Variants in INPP4B observed in about 807,000 individuals in gnomAD.
The protein encoded by INPP4B is inositol polyphosphate-4-phosphatase type II B.
INPP4B carries 55 observed loss-of-function variants against 122.5 expected under a neutral mutation model. The ratio of observed to expected loss-of-function variants is 0.45; its 90% CI spans 0.36 to 0.56. The LOEUF (loss-of-function observed/expected upper bound fraction) is 0.56. INPP4B is among the 20% of genes least tolerant of loss of function. The pLI is 0.00. For synonymous variants in INPP4B, 403 were observed against 388.7 expected, an observed-to-expected ratio of 1.04 and a Z score of -0.43; for missense variants, 1,000 against 1,097.7, an observed-to-expected ratio of 0.91 and a Z score of 1.26.
chr4:142,669,024 C>G (rs752972526), intron 2 of INPP4B, among the ~76,000 whole-genome samples: 1 of 151,536 alleles, frequency 6.6e-6, no homozygotes, highest in Non-Finnish European at 1.5e-5. Flanking sequence ...CCACTGTGCT[C>G]CAGCCTGGAT....
rs531295673 is a variant in INPP4B, at chr4:142,252,274, C to T, written c.688+8218G>A. Reference sequence around the variant, plus strand: ...CGCGATCTCGGCTCACTGCAAGCTCCGCCTCCCGGGTTCACGCCATTCTCC... The same window carrying T: ...CGCGATCTCGGCTCACTGCAAGCTCTGCCTCCCGGGTTCACGCCATTCTCC... On this transcript the variant is annotated intron_variant, in intron 11 of 25. Transcript: ENST00000262992. Among the ~76,000 whole-genome samples the T allele has an allele frequency of 3.3e-3, 500 of 150,498 alleles. 1 individual carries two copies. The highest frequency in any genetic ancestry group is 7.9e-3 in the African/African-American group (324 of 40,944).
At chr4:142,638,928 T>A (rs1749768477) in intron 2 of INPP4B, among the ~76,000 whole-genome samples, 2 of 152,186 alleles carry the variant, frequency 1.3e-5, no homozygotes, top group South Asian at 4.1e-4. Context: ...TGGATAGTCT[T>A]AATCAAGTGA....
At chr4:142,577,722 C>T (rs772366522) in intron 2 of INPP4B, among the ~76,000 whole-genome samples, 5 of 151,840 alleles carry the variant, frequency 3.3e-5, no homozygotes, top group Admixed American at 6.6e-5. Context: ...TGCTTTTGTG[C>T]GTCATATAGA....
chr4:142,204,371 T>C (rs951263020), intron 14 of INPP4B, among the ~76,000 whole-genome samples: 19 of 152,296 alleles, frequency 1.2e-4, no homozygotes, highest in African/African-American at 3.8e-4. Flanking sequence ...CCATATTTTC[T>C]TCTTAGCTCT....
At chr4:142,240,068 T>G (rs2150005104) in intron 11 of INPP4B, among the ~76,000 whole-genome samples, 1 of 150,236 alleles carries the variant, frequency 6.7e-6, no homozygotes, top group African/African-American at 2.5e-5. Flanking sequence ...AGTTTATTGT[T>G]TTCTTTTTTT....
At chr4:142,268,192 G>A (rs1462205152) in intron 10 of INPP4B, among the ~76,000 whole-genome samples, 14 of 150,736 alleles carry the variant, frequency 9.3e-5, no homozygotes, top group African/African-American at 2.9e-4. Flanking sequence ...GCATGGTGGC[G>A]GGTCCCTGTA....
intron 9 of INPP4B, among the ~76,000 whole-genome samples, chr4:142,282,112 G>T (rs1288554838): frequency 6.6e-6 from 1 of 152,082 alleles, no homozygotes; most frequent in Non-Finnish European, 1.5e-5. Context: ...CAGGGTAAAA[G>T]GTGGATGAGT....
intron 2 of INPP4B, among the ~76,000 whole-genome samples, chr4:142,575,823 G>A (rs1022023619): frequency 6.6e-6 from 1 of 151,996 alleles, no homozygotes; most frequent in Non-Finnish European, 1.5e-5. Context: ...AAGAAGCTAT[G>A]ATAATTACAC....
chr4:142,585,846 TTTA>T (rs59890158), intron 2 of INPP4B, among the ~76,000 whole-genome samples: 5,652 of 144,562 alleles, frequency 0.039, 138 homozygotes, highest in Middle Eastern at 0.091. Context: ...CACTAAACAC[TTTA>T]TTATTATTAT....
chr4:142,775,918 T>C (rs1773842460), intron 1 of INPP4B, among the ~76,000 whole-genome samples: 1 of 152,134 alleles, frequency 6.6e-6, no homozygotes, highest in South Asian at 2.1e-4. Context: ...GAGTATTTGA[T>C]TTTGTCAAAT....
At chr4:142,809,310 A>C (rs1044082674) in intron 1 of INPP4B, among the ~76,000 whole-genome samples, 1 of 152,156 alleles carries the variant, frequency 6.6e-6, no homozygotes, top group Admixed American at 6.5e-5. Context: ...AAAAGACGTT[A>C]AGAGGACTAA....
At chr4:142,643,066 C>G (rs928795436) in intron 2 of INPP4B, among the ~76,000 whole-genome samples, 52 of 151,980 alleles carry the variant, frequency 3.4e-4, no homozygotes, top group African/African-American at 1.1e-3. Context: ...TTGACTCTCT[C>G]TTTGTCTGTT....
At chr4:142,544,065 C>A (rs967591229) in intron 2 of INPP4B, among the ~76,000 whole-genome samples, 4 of 150,684 alleles carry the variant, frequency 2.7e-5, no homozygotes, top group Non-Finnish European at 4.4e-5. Context: ...ACAACTAAAA[C>A]CTAGTTAGAG....
intron 17 of INPP4B, among the ~76,000 whole-genome samples, chr4:142,152,953 A>G (rs905679681): frequency 6.6e-6 from 1 of 152,124 alleles, no homozygotes; most frequent in Non-Finnish European, 1.5e-5. Flanking sequence ...TGACTTACTA[A>G]TCTGTTATTT....
intron 2 of INPP4B, among the ~76,000 whole-genome samples, chr4:142,708,939 G>A (rs1022989461): frequency 6.6e-6 from 1 of 152,054 alleles, no homozygotes; most frequent in African/African-American, 2.4e-5. Flanking sequence ...AGCAGTGGAG[G>A]GGGCTTTCTA....
chr4:142,772,579 A>T (rs1020218295), intron 1 of INPP4B, among the ~76,000 whole-genome samples: 9 of 152,150 alleles, frequency 5.9e-5, no homozygotes, highest in African/African-American at 2.2e-4. Flanking sequence ...AATGCAAAAC[A>T]CCATCACGGC....
chr4:142,642,288 A>C (rs1052856994), intron 2 of INPP4B, among the ~76,000 whole-genome samples: 5 of 152,068 alleles, frequency 3.3e-5, no homozygotes, highest in South Asian at 2.1e-4. Context: ...CCCATTTGTC[A>C]ATTTTGGCTT....
intron 11 of INPP4B, among the ~76,000 whole-genome samples, chr4:142,239,075 T>C (rs1480759739): frequency 7.2e-5 from 11 of 152,124 alleles, no homozygotes; most frequent in Admixed American, 7.2e-4. Context: ...AAAATTCTTT[T>C]CAAAATTTTA....
chr4:142,500,475 C>T (rs889255913), intron 2 of INPP4B, among the ~76,000 whole-genome samples: 3 of 152,198 alleles, frequency 2.0e-5, no homozygotes, highest in Non-Finnish European at 4.4e-5. Context: ...TTTTATAACT[C>T]AGGAATGCCT....
Sources: gnomAD v4.1 joint callset for allele counts (sites outside exome capture counted in the v4.1 genomes callset) on GRCh38, gnomAD v4.1.1 for gene constraint, MANE v1.5 for transcripts, NCBI Gene and HGNC (gene_info 2026-07-23, HGNC 2026-07-21) for gene names.